ZNF609: variants seen among roughly 807,000 people sequenced by gnomAD.
ZNF609 encodes zinc finger protein 609.
Under a neutral mutation model 109.5 loss-of-function variants are expected in ZNF609, and 11 were observed. That is an observed-to-expected ratio of 0.10 (90% confidence interval 0.06 to 0.17). The LOEUF (loss-of-function observed/expected upper bound fraction) is 0.17, where lower values mean the gene tolerates loss of function less well. Ranked by LOEUF, ZNF609 falls within the 10% of genes least tolerant of loss-of-function variation. The probability of loss-of-function intolerance (pLI) is 1.00; values close to 1 mark genes in which losing one functional copy is unlikely to be tolerated. For missense variants in ZNF609, 1,559 were observed against 1,772.4 expected (o/e 0.88, Z 2.16); for synonymous variants, 646 against 662.0 (o/e 0.98, Z 0.37).
intron 2 of ZNF609, among the ~76,000 whole-genome samples, chr15:64,586,694 G>T (rs974892282): frequency 6.6e-6 from 1 of 151,918 alleles, no homozygotes; most frequent in African/African-American, 2.4e-5. Context: ...AGGAAACTGG[G>T]CCCTGGTGCC....
intron 5 of ZNF609, among the ~76,000 whole-genome samples, chr15:64,677,643 C>T (rs1308075770): frequency 6.6e-6 from 1 of 152,202 alleles, no homozygotes; most frequent in Non-Finnish European, 1.5e-5. Flanking sequence ...AATCTCATAT[C>T]TTGCTCTGCT....
intron 1 of ZNF609, among the ~76,000 whole-genome samples, chr15:64,480,614 T>C (rs1478744100): frequency 6.6e-6 from 1 of 152,108 alleles, no homozygotes; most frequent in Non-Finnish European, 1.5e-5. Flanking sequence ...TGTTCAGGTG[T>C]AGTACTGCTC....
intron 3 of ZNF609, among the ~76,000 whole-genome samples, chr15:64,626,227 T>C (rs1010467098): frequency 6.6e-6 from 1 of 152,086 alleles, no homozygotes; most frequent in Non-Finnish European, 1.5e-5. Flanking sequence ...ACTCATCTTT[T>C]CTTTGCTTTC....
chr15:64,473,188 G>GTT (rs1893114721), intron 1 of ZNF609, among the ~76,000 whole-genome samples: 3 of 124,288 alleles, frequency 2.4e-5, no homozygotes, highest in African/African-American at 7.6e-5. Context: ...CTCATATTTG[G>GTT]TTCTTTTTTT....
chr15:64,548,860 G>C (rs923461864), intron 2 of ZNF609, among the ~76,000 whole-genome samples: 1 of 152,170 alleles, frequency 6.6e-6, no homozygotes, highest in Admixed American at 6.5e-5. Context: ...CAACCTACTT[G>C]AGATGAAATA....
At chr15:64,672,174 G>A (rs1483330508) in intron 4 of ZNF609, among the ~76,000 whole-genome samples, 7 of 149,684 alleles carry the variant, frequency 4.7e-5, no homozygotes, top group Non-Finnish European at 8.9e-5. Flanking sequence ...CACCACGCCC[G>A]GCTAATTTTT....
Position 64,674,734 on chromosome 15 carries a change from T to C in ZNF609, c.1880T>C (p.Leu627Ser). Residue 627 changes from leucine (L) to serine (S), a missense_variant, in exon 5 of 10, where the codon TTA (leucine) becomes TCA (serine). This residue lies in a region of ZNF609 where 1,204 missense variants were observed against 1,314.1 expected (regional missense o/e 0.92). Transcript: ENST00000326648. ...ACAAGCAATGATGCCTTTGATTCTT[T>C]AGAAAGGAAGTGTATGGAAAAAGAA... Reference protein sequence around the residue: ...DETSNDAFDSLERKCMEKEKC... With the variant: ...DETSNDAFDSSERKCMEKEKC... The C allele has an allele frequency of 6.2e-7, 1 of 1,614,116 alleles. No homozygotes were observed. The highest frequency in any genetic ancestry group is 8.5e-7 in the Non-Finnish European group (1 of 1,180,034).
At chr15:64,610,207 G>A (rs368930438) in intron 2 of ZNF609, among the ~76,000 whole-genome samples, 1 of 151,900 alleles carries the variant, frequency 6.6e-6, no homozygotes, top group African/African-American at 2.4e-5. Flanking sequence ...GCAAACCAAC[G>A]CAGAAACAGA....
intron 7 of ZNF609, 24 bp downstream of exon 7, chr15:64,680,384 G>C (rs778323142): frequency 3.1e-6 from 5 of 1,610,176 alleles, no homozygotes; most frequent in Non-Finnish European, 4.2e-6. Context: ...AGTGATGCTG[G>C]CTGTTACCCA....
intron 2 of ZNF609, among the ~76,000 whole-genome samples, chr15:64,503,388 C>A (rs755674080): frequency 6.6e-6 from 1 of 152,186 alleles, no homozygotes; most frequent in Non-Finnish European, 1.5e-5. Context: ...CCAGCTCTTG[C>A]CTGTTCCCTT....
chr15:64,477,462 C>G (rs1359288993), intron 1 of ZNF609, among the ~76,000 whole-genome samples: 1 of 151,772 alleles, frequency 6.6e-6, no homozygotes, highest in East Asian at 1.9e-4. Flanking sequence ...CCTTTTCTAA[C>G]TCTTCTACTT....
At chr15:64,536,923 A>G (rs933889545) in intron 2 of ZNF609, among the ~76,000 whole-genome samples, 5 of 142,872 alleles carry the variant, frequency 3.5e-5, no homozygotes, top group African/African-American at 5.2e-5. Flanking sequence ...AAAGAAAAAA[A>G]AAAAAAAAAA....
At chr15:64,529,486 G>T in intron 2 of ZNF609, 2 of 1,084,512 alleles carry the variant, frequency 1.8e-6, no homozygotes, top group Non-Finnish European at 2.8e-6. Context: ...CCCGTTCTCA[G>T]CCTTGACGGT....
intron 2 of ZNF609, among the ~76,000 whole-genome samples, chr15:64,591,418 A>G: frequency 6.6e-6 from 1 of 151,688 alleles, no homozygotes. Flanking sequence ...ACAGAGACAG[A>G]CTCTATCTCA....
intron 1 of ZNF609, among the ~76,000 whole-genome samples, chr15:64,482,458 G>A (rs1035083783): frequency 1.3e-4 from 20 of 151,758 alleles, no homozygotes; most frequent in African/African-American, 4.8e-4. Context: ...CAAGAATTTA[G>A]GAAGAATTCA....
At chr15:64,593,165 G>A (rs1022796918) in intron 2 of ZNF609, 3 of 1,546,572 alleles carry the variant, frequency 1.9e-6, no homozygotes, top group East Asian at 4.5e-5. Flanking sequence ...CGATGCCTAT[G>A]TGCTTCCCAA....
chr15:64,629,018 C>T (rs2140979800), intron 3 of ZNF609, among the ~76,000 whole-genome samples: 1 of 152,318 alleles, frequency 6.6e-6, no homozygotes, highest in South Asian at 2.1e-4. Context: ...GAGGTCTTCT[C>T]TCAGTCCTTC....
chr15:64,547,201 T>A (rs1001856454), intron 2 of ZNF609, among the ~76,000 whole-genome samples: 2 of 152,242 alleles, frequency 1.3e-5, no homozygotes, highest in African/African-American at 2.4e-5. Flanking sequence ...CTTATATCAA[T>A]GTCAATTAGC....
At chr15:64,623,111 C>A in intron 3 of ZNF609, 59 bp downstream of exon 3, 2 of 1,528,316 alleles carry the variant, frequency 1.3e-6, no homozygotes, top group Non-Finnish European at 1.8e-6. Context: ...GGGGAGCCAC[C>A]AGGGACTTAT....
Sources: allele counts gnomAD v4.1 joint callset (sites outside exome capture counted in the v4.1 genomes callset), GRCh38; gene constraint gnomAD v4.1.1; regional missense constraint gnomAD v4.1.1; transcripts MANE v1.5; gene names NCBI Gene and HGNC (gene_info 2026-07-23, HGNC 2026-07-21).